The following TNR variants were observed in gnomAD, a reference collection of about 807,000 sequenced individuals.
The protein encoded by TNR is tenascin-R.
A neutral mutation model predicts 150.4 loss-of-function variants in TNR; 45 were observed. The ratio of observed to expected loss-of-function variants is 0.30; its 90% CI spans 0.24 to 0.38. The LOEUF (loss-of-function observed/expected upper bound fraction) is 0.38, where lower values mean the gene tolerates loss of function less well. Ranked by LOEUF, TNR falls within the 10% of genes least tolerant of loss-of-function variation. The pLI is 1.00. For synonymous variants in TNR, 687 were observed against 678.4 expected, an observed-to-expected ratio of 1.01 and a Z score of -0.20; for missense variants, 1,544 against 1,759.1, an observed-to-expected ratio of 0.88 and a Z score of 2.19.
At chr1:175,652,146 T>C (rs978791778) in intron 1 of TNR, among the ~76,000 whole-genome samples, 54 of 148,022 alleles carry the variant, frequency 3.6e-4, no homozygotes, top group African/African-American at 1.3e-3. Flanking sequence ...TATTATACTT[T>C]ATATAATATA....
rs148736498 is a variant in TNR at position 175,544,624 on chromosome 1, G to A, written c.-164-16255C>T. Among the ~76,000 whole-genome samples, 126 of 152,324 alleles carry A rather than the reference G, an allele frequency of 8.3e-4. 2 individuals carry two copies. The highest frequency in any genetic ancestry group is 1.5e-3 in the Non-Finnish European group (103 of 68,020). On this transcript the variant is annotated intron_variant, in intron 1 of 22. Transcript: ENST00000367674. ...CATAGGTATATTGGTGCTAATTGGT[G>A]TTAAGGGCATTGGATATGAGTACTC...
chr1:175,640,078 A>T (rs1451542919), intron 1 of TNR, among the ~76,000 whole-genome samples: 2 of 152,248 alleles, frequency 1.3e-5, no homozygotes, highest in Non-Finnish European at 2.9e-5. Context: ...TGAATGAATA[A>T]AATCAGTTAC....
intron 1 of TNR, among the ~76,000 whole-genome samples, chr1:175,568,955 T>C (rs547284667): frequency 6.6e-6 from 1 of 152,346 alleles, no homozygotes; most frequent in Non-Finnish European, 1.5e-5. Flanking sequence ...TGTCCACTTT[T>C]TTTTTTAAGT....
intron 1 of TNR, among the ~76,000 whole-genome samples, chr1:175,689,558 G>T (rs1287817673): frequency 2.0e-5 from 3 of 152,266 alleles, no homozygotes; most frequent in East Asian, 3.9e-4. Flanking sequence ...GGGTGATAGA[G>T]AATCAATTGG....
chr1:175,336,164 A>G (rs1455130610), intron 19 of TNR, among the ~76,000 whole-genome samples: 1 of 152,248 alleles, frequency 6.6e-6, no homozygotes, highest in African/African-American at 2.4e-5. Flanking sequence ...TGCACTACAG[A>G]GTGCAGTAGA....
chr1:175,449,263 C>T (rs1274345750), intron 2 of TNR, among the ~76,000 whole-genome samples: 1 of 152,170 alleles, frequency 6.6e-6, no homozygotes, highest in Admixed American at 6.5e-5. Flanking sequence ...CCTTTGTTCT[C>T]ACACACACAA....
intron 1 of TNR, among the ~76,000 whole-genome samples, chr1:175,691,421 C>T (rs79924504): frequency 6.6e-6 from 1 of 152,226 alleles, no homozygotes; most frequent in Non-Finnish European, 1.5e-5. Context: ...CTTTAATTCC[C>T]ACAACAAGCC....
chr1:175,585,591 T>C (rs1404007770), intron 1 of TNR, among the ~76,000 whole-genome samples: 1 of 152,224 alleles, frequency 6.6e-6, no homozygotes, highest in Non-Finnish European at 1.5e-5. Context: ...AAAGCCCATG[T>C]TCTTTATACC....
Position 175,447,972 on chromosome 1 carries a change from T to C in TNR, c.-63-41195A>G, listed in dbSNP as rs150811812. ...AAAGGGCTCAATAAATGTTGTCTGT[T>C]ATTATTATTACTATCAGTGTCACGC... is the stretch of plus-strand genomic sequence containing the variant. On this transcript the variant is annotated intron_variant, in intron 2 of 22. Transcript: ENST00000367674. 3.7e-3 allele frequency among the ~76,000 whole-genome samples: 570 copies of C among 152,314 alleles called. 2 individuals are homozygous for C. The highest frequency in any genetic ancestry group is 0.013 in the African/African-American group (530 of 41,560).
chr1:175,490,289 A>G (rs917974031), intron 2 of TNR, among the ~76,000 whole-genome samples: 3 of 152,228 alleles, frequency 2.0e-5, no homozygotes, highest in African/African-American at 7.2e-5. Flanking sequence ...AATCTAGGCA[A>G]TACCATTCAG....
chr1:175,359,736 AACAGAATAGATTATCAGTT>A lies in TNR; in HGVS notation c.2855-24_2855-6del. ...GATCCACAGGGTTGTCCATGGCTGAAACAGAATAGATTATCAGTTACAGATAAGAGGAGCTGCAGGATAG... is the reference window on the plus strand; with the variant it reads ...GATCCACAGGGTTGTCCATGGCTGAAACAGATAAGAGGAGCTGCAGGATAG... On this transcript the variant is annotated splice_region_variant and splice_polypyrimidine_tract_variant and intron_variant, in intron 14 of 22. Coordinates refer to ENST00000367674, the MANE Select transcript of TNR (RefSeq NM_003285.3). The A allele has an allele frequency of 6.2e-7, 1 of 1,606,140 alleles. No homozygotes were observed. The highest frequency in any genetic ancestry group is 8.5e-7 in the Non-Finnish European group (1 of 1,176,206).
intron 20 of TNR, among the ~76,000 whole-genome samples, chr1:175,331,078 C>CTTCCTTCTTTCT (rs1649829693): frequency 1.2e-4 from 7 of 59,944 alleles, no homozygotes; most frequent in African/African-American, 4.4e-4. Flanking sequence ...TCTTTCTTTC[C>CTTCCTTCTTTCT]TTCTTTCTTT....
chr1:175,527,017 T>C (rs1461208311), intron 2 of TNR, among the ~76,000 whole-genome samples: 4 of 152,230 alleles, frequency 2.6e-5, no homozygotes, highest in Non-Finnish European at 5.9e-5. Flanking sequence ...TTGTCAAATA[T>C]TCTTTTATCC....
At chr1:175,480,234 G>A (rs1241108903) in intron 2 of TNR, among the ~76,000 whole-genome samples, 1 of 151,630 alleles carries the variant, frequency 6.6e-6, no homozygotes, top group East Asian at 1.9e-4. Context: ...ATAAAGTTGA[G>A]AAGGCAGCAC....
intron 21 of TNR, among the ~76,000 whole-genome samples, chr1:175,325,310 A>G (rs1283581800): frequency 1.3e-5 from 2 of 152,362 alleles, no homozygotes; most frequent in East Asian, 3.9e-4. Context: ...AATCAAAACC[A>G]CAATGAGATA....
At chr1:175,638,925 T>C (rs1279540627) in intron 1 of TNR, among the ~76,000 whole-genome samples, 2 of 152,226 alleles carry the variant, frequency 1.3e-5, no homozygotes, top group Non-Finnish European at 2.9e-5. Flanking sequence ...AATATTTTCT[T>C]TGGGTTGCCC....
At chr1:175,351,283 T>G (rs180988388) in intron 18 of TNR, among the ~76,000 whole-genome samples, 31 of 152,298 alleles carry the variant, frequency 2.0e-4, no homozygotes, top group African/African-American at 6.3e-4. Context: ...AATTTGCTCT[T>G]GGGCAGGGGT....
At chr1:175,494,146 G>A (rs1250005016) in intron 2 of TNR, among the ~76,000 whole-genome samples, 3 of 138,496 alleles carry the variant, frequency 2.2e-5, no homozygotes, top group African/African-American at 7.9e-5. Flanking sequence ...TCCCCACCCC[G>A]CCCCCTCCCG....
At chr1:175,390,757 T>C (rs185319340) in intron 7 of TNR, among the ~76,000 whole-genome samples, 150 of 152,370 alleles carry the variant, frequency 9.8e-4, no homozygotes, top group African/African-American at 3.3e-3. Flanking sequence ...TATGTGCGTA[T>C]ACCAAGTATT....
Sources: gnomAD v4.1 joint callset for allele counts (sites outside exome capture counted in the v4.1 genomes callset) on GRCh38, gnomAD v4.1.1 for gene constraint, MANE v1.5 for transcripts, NCBI Gene and HGNC (gene_info 2026-07-23, HGNC 2026-07-21) for gene names.